Variants in ERG observed in about 807,000 individuals in gnomAD.
ERG encodes ETS transcription factor ERG.
ERG carries 9 observed loss-of-function variants against 55.3 expected under a neutral mutation model. That is an observed-to-expected ratio of 0.16 (90% confidence interval 0.10 to 0.28). The LOEUF is 0.28. Among genes scored for constraint, ERG ranks in the 10% least tolerant of loss-of-function variants. The pLI, the probability that ERG is intolerant of heterozygous loss-of-function variation, is 1.00. For missense variants in ERG, 434 were observed against 631.6 expected (o/e 0.69, Z 3.35); for synonymous variants, 223 against 237.3 (o/e 0.94, Z 0.55).
At chr21:38,463,924 T>C (rs1484364510) in intron 1 of ERG, among the ~76,000 whole-genome samples, 1 of 152,190 alleles carries the variant, frequency 6.6e-6, no homozygotes, top group African/African-American at 2.4e-5. Context: ...ACACCCTTTT[T>C]ATCTATGATG....
chr21:38,379,304 G>A (rs951774679), downstream of ERG, among the ~76,000 whole-genome samples: 4 of 152,180 alleles, frequency 2.6e-5, no homozygotes, highest in African/African-American at 9.7e-5. Context: ...TTAATCCTGC[G>A]ACCTCCCTTC....
At chr21:38,646,838 A>G (rs1479002607) in intron 1 of ERG, among the ~76,000 whole-genome samples, 1 of 152,088 alleles carries the variant, frequency 6.6e-6, no homozygotes, top group African/African-American at 2.4e-5. Flanking sequence ...GAGGGGAAAG[A>G]TCAGAGTCAA....
chr21:38,431,548 G>T (rs1448002508), intron 2 of ERG, among the ~76,000 whole-genome samples: 1 of 152,096 alleles, frequency 6.6e-6, no homozygotes, highest in African/African-American at 2.4e-5. Flanking sequence ...GGCCAAAAAG[G>T]AATTAAGAGA....
intron 3 of ERG, 118 bp from the exon 4 acceptor site, chr21:38,403,827 C>A: frequency 1.1e-6 from 1 of 919,732 alleles, no homozygotes; most frequent in Non-Finnish European, 1.7e-6. Context: ...CAGCCTCCAG[C>A]CAGCCTCCCT....
chr21:38,416,680 C>T (rs771293093), intron 3 of ERG, among the ~76,000 whole-genome samples: 59 of 152,166 alleles, frequency 3.9e-4, no homozygotes, highest in Non-Finnish European at 7.6e-4. Context: ...TATATACATG[C>T]ATTTGAGAAT....
intron 1 of ERG, among the ~76,000 whole-genome samples, chr21:38,577,161 G>A (rs918950915): frequency 6.6e-6 from 1 of 152,096 alleles, no homozygotes; most frequent in Non-Finnish European, 1.5e-5. Flanking sequence ...ATTTGCTACT[G>A]AGCGCATTAC....
At chr21:38,474,924 C>A (rs2059173906) in intron 1 of ERG, among the ~76,000 whole-genome samples, 1 of 152,132 alleles carries the variant, frequency 6.6e-6, no homozygotes, top group Admixed American at 6.5e-5. Flanking sequence ...ATAACGTGAT[C>A]ACAGCGTGGC....
intron 2 of ERG, among the ~76,000 whole-genome samples, chr21:38,507,711 A>G (rs1601157694): frequency 6.6e-6 from 1 of 152,288 alleles, no homozygotes; most frequent in African/African-American, 2.4e-5. Flanking sequence ...AGTTGACAGG[A>G]GGGAACTGGG....
chr21:38,389,537 CAT>C (rs1236059831), intron 9 of ERG, among the ~76,000 whole-genome samples: 6 of 151,626 alleles, frequency 4.0e-5, no homozygotes, highest in Non-Finnish European at 7.4e-5. Context: ...CATCTCAAAA[CAT>C]AGTCATTATT....
At chr21:38,412,797 G>T (rs1321593179) in intron 3 of ERG, among the ~76,000 whole-genome samples, 1 of 151,962 alleles carries the variant, frequency 6.6e-6, no homozygotes. Flanking sequence ...ATCTTGGTTG[G>T]GGGAGATCTC....
upstream of ERG, among the ~76,000 whole-genome samples, chr21:38,500,621 T>A (rs990310509): frequency 1.1e-4 from 17 of 152,178 alleles, no homozygotes; most frequent in African/African-American, 4.1e-4. Context: ...TCAATCTCTG[T>A]CTCTCTCTCC....
intron 1 of ERG, among the ~76,000 whole-genome samples, chr21:38,576,719 T>C (rs1323574743): frequency 2.0e-5 from 3 of 152,142 alleles, no homozygotes; most frequent in African/African-American, 7.2e-5. Flanking sequence ...CCTGGCCACC[T>C]GTCAGGGTTG....
intron 1 of ERG, among the ~76,000 whole-genome samples, chr21:38,458,243 G>A (rs530964382): frequency 6.6e-6 from 1 of 152,098 alleles, no homozygotes; most frequent in Admixed American, 6.5e-5. Flanking sequence ...GGCCAACATG[G>A]TGAAACTCTG....
intron 2 of ERG, among the ~76,000 whole-genome samples, chr21:38,504,164 T>C (rs936476486): frequency 1.3e-5 from 2 of 152,228 alleles, no homozygotes; most frequent in Non-Finnish European, 2.9e-5. Context: ...TCTTGGTTGA[T>C]CTGAACTAAT....
chr21:38,473,007 C>A (rs1336362660), intron 1 of ERG, among the ~76,000 whole-genome samples: 3 of 152,180 alleles, frequency 2.0e-5, no homozygotes, highest in Non-Finnish European at 4.4e-5. Context: ...CGGCATGAGG[C>A]AGGCAGCAGG....
rs1046425270 is a variant in ERG, at chr21:38,468,181, G to A, written c.19-22560C>T. Among the ~76,000 whole-genome samples the A allele has an allele frequency of 2.6e-5, 4 of 152,076 alleles. No individual in the cohort carries two copies. The South Asian group carries it at 6.2e-4, about 24-fold the overall frequency. ...AATGAGACTGTGGTTCCTATAGGTCGGCACCTTCCTCCCCACCCGGCAGGT... is the reference window on the plus strand; with the variant it reads ...AATGAGACTGTGGTTCCTATAGGTCAGCACCTTCCTCCCCACCCGGCAGGT... On this transcript the variant is annotated intron_variant, in intron 1 of 9. Coordinates refer to ENST00000288319, the MANE Select transcript of ERG (RefSeq NM_182918.4).
intron 1 of ERG, among the ~76,000 whole-genome samples, chr21:38,648,932 G>A (rs2060472794): frequency 6.6e-6 from 1 of 152,190 alleles, no homozygotes; most frequent in Non-Finnish European, 1.5e-5. Context: ...ACGTGCCCAG[G>A]AGGAAGGTCT....
intron 9 of ERG, among the ~76,000 whole-genome samples, chr21:38,385,193 A>G (rs1186737413): frequency 1.3e-5 from 2 of 152,220 alleles, no homozygotes; most frequent in Non-Finnish European, 2.9e-5. Flanking sequence ...GGCTCCCTAG[A>G]AGACAGCAGC....
At chr21:38,560,517 C>T (rs925813601) in intron 2 of ERG, among the ~76,000 whole-genome samples, 1 of 152,190 alleles carries the variant, frequency 6.6e-6, no homozygotes, top group African/African-American at 2.4e-5. Flanking sequence ...AAATCTGTAC[C>T]TGGTCTGAGG....
Sources: allele counts gnomAD v4.1 joint callset (sites outside exome capture counted in the v4.1 genomes callset), GRCh38; gene constraint gnomAD v4.1.1; transcripts MANE v1.5; gene names NCBI Gene and HGNC (gene_info 2026-07-23, HGNC 2026-07-21).